Variants in SEMA5A observed in about 807,000 individuals in gnomAD.
The protein encoded by SEMA5A is semaphorin-5A.
A neutral mutation model predicts 135.5 loss-of-function variants in SEMA5A; 55 were observed. The observed-to-expected ratio is 0.41, with a 90% CI of 0.33 to 0.51. SEMA5A has a LOEUF of 0.51. Ranked by LOEUF, SEMA5A falls within the 20% of genes least tolerant of loss-of-function variation. SEMA5A has a pLI of 0.37. For synonymous variants in SEMA5A, 580 were observed against 546.5 expected (o/e 1.06, Z -0.85); for missense variants, 1,290 against 1,419.9 (o/e 0.91, Z 1.47).
intron 1 of SEMA5A, among the ~76,000 whole-genome samples, chr5:9,444,029 A>G (rs1320535546): frequency 6.6e-6 from 1 of 152,250 alleles, no homozygotes; most frequent in East Asian, 1.9e-4. Flanking sequence ...TCCATGGAGC[A>G]AGTCCATTGA....
intron 13 of SEMA5A, among the ~76,000 whole-genome samples, chr5:9,133,087 TCA>T (rs1266348162): frequency 1.3e-5 from 2 of 152,228 alleles, no homozygotes; most frequent in Non-Finnish European, 2.9e-5. Flanking sequence ...GTGGTACACA[TCA>T]CAACCAGTGG....
At chr5:9,186,329 C>G (rs1744807799) in intron 11 of SEMA5A, among the ~76,000 whole-genome samples, 1 of 152,160 alleles carries the variant, frequency 6.6e-6, no homozygotes, top group African/African-American at 2.4e-5. Context: ...TGAACTACAC[C>G]AGCAAGAGAA....
At chr5:9,153,367 G>A (rs1183260212) in intron 12 of SEMA5A, among the ~76,000 whole-genome samples, 2 of 152,222 alleles carry the variant, frequency 1.3e-5, no homozygotes, top group Admixed American at 1.3e-4. Flanking sequence ...GGTCAGGTGT[G>A]TGATGTATAC....
intron 12 of SEMA5A, among the ~76,000 whole-genome samples, chr5:9,139,970 A>ATCAAAAATCACAAATACATAT (rs1343327493): frequency 1.3e-5 from 2 of 152,292 alleles, no homozygotes; most frequent in Non-Finnish European, 2.9e-5. Context: ...AAACAAACAA[A>ATCAAAAATCACAAATACATAT]TCAAAAATCA....
At chr5:9,089,980 T>A (rs1373102398) in intron 16 of SEMA5A, among the ~76,000 whole-genome samples, 1 of 152,198 alleles carries the variant, frequency 6.6e-6, no homozygotes, top group Non-Finnish European at 1.5e-5. Context: ...ATAAATATCA[T>A]ATTGTGAATA....
chr5:9,469,069 C>T (rs958266817), intron 1 of SEMA5A, among the ~76,000 whole-genome samples: 1 of 152,122 alleles, frequency 6.6e-6, no homozygotes, highest in African/African-American at 2.4e-5. Context: ...AGAGCAGTGG[C>T]ACAATCTCGG....
At chr5:9,084,174 A>C (rs1290705079) in intron 16 of SEMA5A, among the ~76,000 whole-genome samples, 2 of 152,188 alleles carry the variant, frequency 1.3e-5, no homozygotes, top group Admixed American at 6.5e-5. Flanking sequence ...TAAAGCTTAA[A>C]ATTTTTGAGC....
chr5:9,122,763 GC>G lies in SEMA5A; in HGVS notation c.1673del (p.Ser558ThrfsTer147). The G allele has an allele frequency of 6.2e-7, 1 of 1,613,536 alleles. No individual in the cohort carries two copies. On this transcript the variant is annotated frameshift_variant, in exon 14 of 23. Transcript: ENST00000382496. LOFTEE classifies it high-confidence loss of function. ...TTCGACAGAGGCAGGATCCCACGGC[GC>G]TGCCATCTGTGTGCGTGCAAGGCGT... The part of the protein sequence containing the change: ...PWTPCTHTDG[S>X]AVGSCLCRTR...
intron 1 of SEMA5A, among the ~76,000 whole-genome samples, chr5:9,461,472 A>C (rs1475035244): frequency 6.6e-6 from 1 of 152,250 alleles, no homozygotes; most frequent in Non-Finnish European, 1.5e-5. Context: ...CTTAGTTAGA[A>C]ACTGAAAAAT....
At chr5:9,258,294 T>C (rs1016612668) in intron 5 of SEMA5A, among the ~76,000 whole-genome samples, 3 of 152,174 alleles carry the variant, frequency 2.0e-5, no homozygotes, top group Non-Finnish European at 4.4e-5. Flanking sequence ...AATTTTACTA[T>C]GCAATGAACA....
At chr5:9,263,041 A>G (rs1485533383) in intron 5 of SEMA5A, among the ~76,000 whole-genome samples, 2 of 130,876 alleles carry the variant, frequency 1.5e-5, no homozygotes, top group Non-Finnish European at 3.1e-5. Flanking sequence ...CTGTCAATAG[A>G]AAAAAAAAAA....
chr5:9,160,300 C>T (rs1226422529), intron 11 of SEMA5A, among the ~76,000 whole-genome samples: 2 of 152,118 alleles, frequency 1.3e-5, no homozygotes, highest in Non-Finnish European at 2.9e-5. Flanking sequence ...GTTCTTCTGG[C>T]CTCAATGACC....
At chr5:9,322,099 T>G (rs917182213) in intron 4 of SEMA5A, among the ~76,000 whole-genome samples, 1 of 152,018 alleles carries the variant, frequency 6.6e-6, no homozygotes, top group Non-Finnish European at 1.5e-5. Flanking sequence ...TTTTCAGGTG[T>G]TTTCCATAGA....
At chr5:9,341,635 G>A (rs1753657386) in intron 3 of SEMA5A, among the ~76,000 whole-genome samples, 1 of 146,218 alleles carries the variant, frequency 6.8e-6, no homozygotes, top group African/African-American at 2.5e-5. Context: ...AAATATGGCA[G>A]CCAATATGAC....
chr5:9,438,038 C>T (rs1157095578), intron 1 of SEMA5A, among the ~76,000 whole-genome samples, 186 bp from the exon 2 acceptor site: 1 of 152,202 alleles, frequency 6.6e-6, no homozygotes, highest in Non-Finnish European at 1.5e-5. Flanking sequence ...AGTTCAGGAT[C>T]ATGTGCACTA....
chr5:9,250,632 C>T (rs1293348838), intron 5 of SEMA5A, among the ~76,000 whole-genome samples: 1 of 152,108 alleles, frequency 6.6e-6, no homozygotes, highest in Non-Finnish European at 1.5e-5. Flanking sequence ...TCTTATGAAT[C>T]ACATGAAAGT....
chr5:9,224,521 G>T (rs144979898), intron 8 of SEMA5A, among the ~76,000 whole-genome samples, 153 bp downstream of exon 8: 372 of 152,214 alleles, frequency 2.4e-3, no homozygotes, highest in African/African-American at 8.2e-3. Context: ...ATGATATCCT[G>T]TTTATCATTA....
rs139162859 is a variant in SEMA5A, at chr5:9,136,712, G to A, written c.1482-91C>T. The A allele has an allele frequency of 4.7e-4, 485 of 1,040,506 alleles. 3 individuals are homozygous for A. In the African/African-American group the frequency reaches 5.6e-3, roughly 12 times the overall value. The allele number at this position is 1,040,506 out of a possible 1,614,324, so 64.5% of individuals were successfully genotyped here. On this transcript the variant is annotated intron_variant, in intron 12 of 22. Transcript: ENST00000382496. ...GGCGAACCTGTCCCTTGGCAGAGAG[G>A]TATGGGATTTCTTACATATGAAGCC...
intron 1 of SEMA5A, among the ~76,000 whole-genome samples, chr5:9,505,339 G>C (rs1561305164): frequency 6.6e-6 from 1 of 152,100 alleles, no homozygotes; most frequent in East Asian, 1.9e-4. Context: ...AATCCATTTA[G>C]TATAATTTTT....
Sources: gnomAD v4.1 joint callset for allele counts (sites outside exome capture counted in the v4.1 genomes callset) on GRCh38, gnomAD v4.1.1 for gene constraint, MANE v1.5 for transcripts, NCBI Gene and HGNC (gene_info 2026-07-23, HGNC 2026-07-21) for gene names.